ASB3: variants seen among roughly 807,000 people sequenced by gnomAD.
ASB3 encodes the protein ankyrin repeat and SOCS box protein 3.
Under a neutral mutation model 54.5 loss-of-function variants are expected in ASB3, and 41 were observed. The observed-to-expected ratio is 0.75, with a 90% CI of 0.59 to 0.98. The LOEUF is 0.98. Ranked by LOEUF, ASB3 falls within the 50% of genes least tolerant of loss-of-function variation. The pLI is 0.00. For missense variants in ASB3, 733 were observed against 620.0 expected, an observed-to-expected ratio of 1.18 and a Z score of -1.94; for synonymous variants, 266 against 221.2, an observed-to-expected ratio of 1.20 and a Z score of -1.80.
chr2:53,744,101 G>A (rs1374966663), intron 3 of ASB3, among the ~76,000 whole-genome samples: 5 of 151,768 alleles, frequency 3.3e-5, no homozygotes, highest in African/African-American at 1.2e-4. Context: ...AGGTGGCTGG[G>A]CGCAGTGGCT....
intron 2 of ASB3, among the ~76,000 whole-genome samples, chr2:53,759,902 C>T (rs1673048991): frequency 6.6e-6 from 1 of 152,028 alleles, no homozygotes; most frequent in Admixed American, 6.6e-5. Context: ...TCACAGAGCC[C>T]CGGGTATGCT....
chr2:53,688,318 G>A (rs78472090), intron 9 of ASB3, among the ~76,000 whole-genome samples: 10,124 of 152,246 alleles, frequency 0.066, 348 homozygotes, highest in African/African-American at 0.09. Flanking sequence ...ACACTTGAGT[G>A]TCCCAGGTGT....
intron 2 of ASB3, among the ~76,000 whole-genome samples, chr2:53,752,600 G>A (rs1324914901): frequency 6.6e-6 from 1 of 152,226 alleles, no homozygotes; most frequent in African/African-American, 2.4e-5. Context: ...TCGCCCCCAT[G>A]GGCATGTTTA....
chr2:53,753,831 T>A (rs1418349574), intron 2 of ASB3, among the ~76,000 whole-genome samples: 1 of 151,830 alleles, frequency 6.6e-6, no homozygotes, highest in Non-Finnish European at 1.5e-5. Context: ...AGTAGAGACA[T>A]GTTTTTGCCA....
Position 53,772,365 on chromosome 2 carries a change from G to A in ASB3, c.-13-6780C>T, listed in dbSNP as rs538681860. The stretch of plus-strand genomic sequence containing the variant: ...AATTTTTTGTATTTTTAGTAGAGAC[G>A]AGGTTTCACCGTGTTAGCCAGGATG... On this transcript the variant is annotated intron_variant, in intron 1 of 9. Transcript: ENST00000263634. Among the ~76,000 whole-genome samples the A allele has an allele frequency of 7.2e-5, 11 of 152,034 alleles. No individual in the cohort carries two copies. The East Asian group carries it at 1.5e-3, about 21-fold the overall frequency.
At position 53,700,537 on chromosome 2, in the gene ASB3, T is replaced by C. The variant is rs369510027; in HGVS notation, c.981-9A>G. ...TTCCAAAGAACTCACAGCTCCACCA[T>C]AAAAAATAAAAACAAAAAAAGAAGA... is the stretch of plus-strand genomic sequence containing the variant. On this transcript the variant is annotated splice_polypyrimidine_tract_variant and intron_variant, in intron 7 of 9. Coordinates refer to ENST00000263634, the MANE Select transcript of ASB3 (RefSeq NM_016115.5). 2 of 1,578,222 alleles carry C rather than the reference T, an allele frequency of 1.3e-6. No individual in the cohort carries two copies. The highest frequency in any genetic ancestry group is 2.4e-5 in the South Asian group (2 of 84,592).
chr2:53,699,712 G>T (rs1485963853), intron 8 of ASB3, among the ~76,000 whole-genome samples: 1 of 151,954 alleles, frequency 6.6e-6, no homozygotes, highest in African/African-American at 2.4e-5. Flanking sequence ...GCAAAGGCTG[G>T]AGGTTAATAG....
At chr2:53,735,888 A>C (rs1671599135) in intron 3 of ASB3, among the ~76,000 whole-genome samples, 1 of 152,076 alleles carries the variant, frequency 6.6e-6, no homozygotes, top group Non-Finnish European at 1.5e-5. Context: ...TTTTGGGTCC[A>C]CTGAATATCC....
intron 7 of ASB3, among the ~76,000 whole-genome samples, chr2:53,713,059 C>A (rs1670193666): frequency 6.6e-6 from 1 of 152,240 alleles, no homozygotes; most frequent in South Asian, 2.1e-4. Context: ...GTTTAAGAGG[C>A]CGGATGGGGT....
At chr2:53,686,003 G>C (rs1344664817) in intron 9 of ASB3, among the ~76,000 whole-genome samples, 1 of 152,222 alleles carries the variant, frequency 6.6e-6, no homozygotes, top group Non-Finnish European at 1.5e-5. Flanking sequence ...ATGACAGATA[G>C]AAGAGGCAAG....
At chr2:53,761,053 G>A (rs962312748) in intron 2 of ASB3, among the ~76,000 whole-genome samples, 3 of 152,086 alleles carry the variant, frequency 2.0e-5, no homozygotes, top group African/African-American at 4.8e-5. Flanking sequence ...AGCAGTCGTC[G>A]GCCAACCTCC....
intron 1 of ASB3, among the ~76,000 whole-genome samples, chr2:53,781,347 G>C (rs1482622739): frequency 1.3e-5 from 2 of 151,606 alleles, no homozygotes; most frequent in African/African-American, 4.9e-5. Flanking sequence ...AGGAGGTTGA[G>C]GCTACAATGA....
In ASB3 at chr2:53,729,620, T is replaced by C. The variant is rs373062855; in HGVS notation, c.356-50A>G. The C allele has an allele frequency of 1.5e-5, 23 of 1,525,920 alleles. No individual in the cohort carries two copies. In the African/African-American group the frequency reaches 3.0e-4, roughly 20 times the overall value. 94.5% of individuals were successfully genotyped at this position (1,525,920 alleles called of 1,614,324 possible). A position where few individuals can be genotyped will look rare whatever the true frequency, so the allele number is the denominator to read the frequency against. ...TAATGTCAGCAAAAAGGCATGTTTG[T>C]AGGACTGGACACTTTGGTGATGTTC... On this transcript the variant is annotated intron_variant, in intron 3 of 9. Transcript: ENST00000263634.
At chr2:53,714,647 T>C (rs1223194768) in intron 6 of ASB3, 66 bp from the exon 7 acceptor site, 3 of 1,530,724 alleles carry the variant, frequency 2.0e-6, no homozygotes, top group South Asian at 1.2e-5. Flanking sequence ...GCAACATTTC[T>C]ATAGCACAAT....
chr2:53,701,361 T>A (rs1669485266), intron 7 of ASB3, among the ~76,000 whole-genome samples: 1 of 152,232 alleles, frequency 6.6e-6, no homozygotes, highest in Non-Finnish European at 1.5e-5. Context: ...TCTATTATTA[T>A]CTCCATTGTA....
intron 3 of ASB3, among the ~76,000 whole-genome samples, chr2:53,744,019 G>T (rs1313587805): frequency 6.6e-6 from 1 of 151,296 alleles, no homozygotes; most frequent in Non-Finnish European, 1.5e-5. Flanking sequence ...CTCCAGCCTG[G>T]GTGACAGAGT....
intron 3 of ASB3, among the ~76,000 whole-genome samples, chr2:53,731,961 AGTTT>A (rs1671344032): frequency 6.7e-6 from 1 of 148,946 alleles, no homozygotes; most frequent in South Asian, 2.1e-4. Context: ...CCCCCACAAC[AGTTT>A]GTTTTATTTT....
At chr2:53,782,948 G>C (rs1433351739) in intron 1 of ASB3, among the ~76,000 whole-genome samples, 2 of 152,000 alleles carry the variant, frequency 1.3e-5, no homozygotes, top group Admixed American at 6.6e-5. Context: ...CAAGACTTCC[G>C]GCTAATTTTT....
At chr2:53,677,394 G>A (rs1044331071) in intron 9 of ASB3, among the ~76,000 whole-genome samples, 2 of 151,998 alleles carry the variant, frequency 1.3e-5, no homozygotes, top group Admixed American at 6.6e-5. Context: ...TTCTCTCACT[G>A]AAAGAGAATC....
Sources: gnomAD v4.1 joint callset for allele counts (sites outside exome capture counted in the v4.1 genomes callset) on GRCh38, gnomAD v4.1.1 for gene constraint, MANE v1.5 for transcripts, NCBI Gene and HGNC (gene_info 2026-07-23, HGNC 2026-07-21) for gene names.